Variants in RERE observed in about 807,000 individuals in gnomAD.
RERE encodes arginine-glutamic acid dipeptide repeats protein.
RERE carries 40 observed loss-of-function variants against 146.1 expected under a neutral mutation model. The ratio of observed to expected loss-of-function variants is 0.27; its 90% confidence interval spans 0.21 to 0.36. The LOEUF is 0.36. RERE is among the 10% of genes least tolerant of loss of function. RERE has a pLI of 1.00. For missense variants in RERE, 1,933 were observed against 2,138.7 expected, an observed-to-expected ratio of 0.90 and a Z score of 1.90; for synonymous variants, 1,003 against 866.0, an observed-to-expected ratio of 1.16 and a Z score of -2.78.
intron 10 of RERE, among the ~76,000 whole-genome samples, chr1:8,474,461 T>C (rs1405742559): frequency 2.0e-5 from 3 of 152,220 alleles, no homozygotes; most frequent in Non-Finnish European, 2.9e-5. Context: ...CAGCAGTCAT[T>C]AAACATCTCT....
chr1:8,763,678 T>C (rs1640795722), intron 1 of RERE, among the ~76,000 whole-genome samples: 1 of 151,820 alleles, frequency 6.6e-6, no homozygotes, highest in African/African-American at 2.4e-5. Context: ...CGGTGGCTCA[T>C]GCCTGTAATC....
intron 1 of RERE, among the ~76,000 whole-genome samples, chr1:8,712,448 G>T (rs1639687290): frequency 6.6e-6 from 1 of 152,152 alleles, no homozygotes; most frequent in Non-Finnish European, 1.5e-5. Flanking sequence ...TGACTCTACA[G>T]TGAAGAATAC....
At chr1:8,608,823 C>T (rs560890081) in intron 4 of RERE, among the ~76,000 whole-genome samples, 1 of 152,298 alleles carries the variant, frequency 6.6e-6, no homozygotes, top group Admixed American at 6.5e-5. Context: ...CAGTGGCTCA[C>T]GCCTGTAATC....
At chr1:8,803,141 A>G (rs1023177301) in intron 1 of RERE, among the ~76,000 whole-genome samples, 4 of 152,200 alleles carry the variant, frequency 2.6e-5, no homozygotes, top group South Asian at 2.1e-4. Flanking sequence ...CGTTCAATAC[A>G]TGGGAAGATA....
rs1196575338 is a variant in RERE, at chr1:8,362,696, T to G, written c.1889A>C (p.Lys630Thr). The part of the protein sequence containing the change: ...SSNDSKAETV[K>T]KSAKKVKEEA... ...CCAGCACCTGACCTTGGCCGACTTC[T>G]TCACTGTCTCTGCTTTACTGTCATT... Residue 630 changes from lysine (K) to threonine (T), a missense_variant, in exon 16 of 23, where the codon AAG becomes ACG. This residue lies in a region of RERE where 1,255 missense variants were observed against 1,153.8 expected (regional missense o/e 1.09). Coordinates refer to ENST00000400908, the MANE Select transcript of RERE (RefSeq NM_001042681.2). 5 of 1,614,242 alleles carry G rather than the reference T, an allele frequency of 3.1e-6. No individual in the cohort carries two copies. In the South Asian group the frequency reaches 4.4e-5, roughly 14 times the overall value.
intron 11 of RERE, among the ~76,000 whole-genome samples, chr1:8,438,440 C>G (rs182484018): frequency 1.3e-5 from 2 of 152,212 alleles, no homozygotes; most frequent in Admixed American, 1.3e-4. Flanking sequence ...TTTTCATAAA[C>G]TTTATTTGTT....
intron 12 of RERE, among the ~76,000 whole-genome samples, chr1:8,371,588 G>C (rs1199672146): frequency 6.6e-6 from 1 of 152,188 alleles, no homozygotes; most frequent in African/African-American, 2.4e-5. Context: ...CCATCCAGGG[G>C]CCTGCTGGGC....
At chr1:8,499,185 G>C (rs965676684) in intron 8 of RERE, among the ~76,000 whole-genome samples, 11 of 152,246 alleles carry the variant, frequency 7.2e-5, no homozygotes, top group Admixed American at 4.6e-4. Flanking sequence ...ATGGGCACAT[G>C]AGTCTGATAG....
At chr1:8,584,708 C>G (rs1646405923) in intron 4 of RERE, among the ~76,000 whole-genome samples, 1 of 152,132 alleles carries the variant, frequency 6.6e-6, no homozygotes. Context: ...AAAATGCAGA[C>G]ATTCTATTAT....
intron 10 of RERE, among the ~76,000 whole-genome samples, chr1:8,493,187 T>C (rs1359723791): frequency 6.6e-6 from 1 of 152,348 alleles, no homozygotes; most frequent in African/African-American, 2.4e-5. Flanking sequence ...CAGACATTCA[T>C]ATCTAACCTA....
At chr1:8,521,563 C>T (rs552817650) in intron 7 of RERE, among the ~76,000 whole-genome samples, 13 of 152,152 alleles carry the variant, frequency 8.5e-5, no homozygotes, top group Admixed American at 1.3e-4. Flanking sequence ...ATTTGACCTG[C>T]GAATTAATAA....
chr1:8,653,325 T>C (rs1259783273), intron 2 of RERE, among the ~76,000 whole-genome samples: 1 of 152,208 alleles, frequency 6.6e-6, no homozygotes, highest in Non-Finnish European at 1.5e-5. Flanking sequence ...TGATCCAAAC[T>C]GTATTACCAC....
intron 4 of RERE, among the ~76,000 whole-genome samples, chr1:8,563,841 G>A (rs1646106708): frequency 6.6e-6 from 1 of 152,196 alleles, no homozygotes; most frequent in Non-Finnish European, 1.5e-5. Flanking sequence ...AACTTTTCAT[G>A]CATTTCCACA....
At chr1:8,588,847 G>A (rs1050425384) in intron 4 of RERE, among the ~76,000 whole-genome samples, 7 of 152,176 alleles carry the variant, frequency 4.6e-5, no homozygotes, top group Non-Finnish European at 8.8e-5. Flanking sequence ...ACTGAGGCTG[G>A]GCACAGTGGC....
At chr1:8,751,269 C>T (rs1376969923) in intron 1 of RERE, among the ~76,000 whole-genome samples, 45 of 152,280 alleles carry the variant, frequency 3.0e-4, no homozygotes, top group Non-Finnish European at 8.8e-5. Context: ...AGCCCTGCTA[C>T]TGGAAAAAAC....
rs1169455700 is a variant in RERE, at chr1:8,608,469, A to T, written c.522+6092T>A. 2.0e-5 allele frequency among the ~76,000 whole-genome samples: 3 copies of T among 152,028 alleles called. No homozygotes were observed. In the South Asian group the frequency reaches 6.2e-4, roughly 32 times the overall value. On this transcript the variant is annotated intron_variant, in intron 4 of 22. Transcript: ENST00000400908. ...CAGTGAGCCAGAATGGTGCCACTAC[A>T]CCCCTGCCTGGGTGACAGAGTGAGA...
intron 1 of RERE, among the ~76,000 whole-genome samples, chr1:8,809,534 A>C (rs1238008317): frequency 6.6e-6 from 1 of 152,204 alleles, no homozygotes; most frequent in Non-Finnish European, 1.5e-5. Context: ...GTCAGCCTAA[A>C]TAGATGGACC....
At chr1:8,638,549 TGGTG>T (rs1647130809) in intron 2 of RERE, among the ~76,000 whole-genome samples, 2 of 152,184 alleles carry the variant, frequency 1.3e-5, no homozygotes, top group Non-Finnish European at 2.9e-5. Context: ...GATTTACAAG[TGGTG>T]GCATGGAAAT....
intron 3 of RERE, among the ~76,000 whole-genome samples, chr1:8,622,485 T>TAAA (rs1646926827): frequency 6.5e-4 from 45 of 69,394 alleles, no homozygotes; most frequent in African/African-American, 2.4e-3. Context: ...CTGTATCTGT[T>TAAA]TAAAAAAAAA....
Sources: gnomAD v4.1 joint callset for allele counts (sites outside exome capture counted in the v4.1 genomes callset) on GRCh38, gnomAD v4.1.1 for gene constraint, gnomAD v4.1.1 regional missense constraint, MANE v1.5 for transcripts, NCBI Gene and HGNC (gene_info 2026-07-23, HGNC 2026-07-21) for gene names.